Variants in PI15 observed in about 807,000 individuals in gnomAD.
PI15 encodes the protein 25 kDa trypsin inhibitor.
A neutral mutation model predicts 31.0 loss-of-function variants in PI15; 18 were observed. The observed-to-expected ratio is 0.58, with a 90% CI of 0.40 to 0.86. The LOEUF (loss-of-function observed/expected upper bound fraction) is 0.86. PI15 is among the 40% of genes least tolerant of loss of function. The probability of loss-of-function intolerance (pLI) is 0.00; values close to 1 mark genes in which losing one functional copy is unlikely to be tolerated. For synonymous variants in PI15, 118 were observed against 119.1 expected (o/e 0.99, Z 0.06); for missense variants, 282 against 328.1 (o/e 0.86, Z 1.09).
At chr8:74,839,889 A>T (rs1810920971) in intron 2 of PI15, among the ~76,000 whole-genome samples, 1 of 152,182 alleles carries the variant, frequency 6.6e-6, no homozygotes, top group African/African-American at 2.4e-5. Flanking sequence ...CCTATTAAGC[A>T]TCTGGAAATT....
At chr8:74,843,336 T>C (rs1029753078) in intron 2 of PI15, among the ~76,000 whole-genome samples, 1 of 152,184 alleles carries the variant, frequency 6.6e-6, no homozygotes, top group African/African-American at 2.4e-5. Context: ...AGGCAGTAAT[T>C]TTTTGTAGTA....
rs535187664 is a variant in PI15 at position 74,845,288 on chromosome 8, G to T, written c.525+28G>T. 2.2e-5 allele frequency: 36 copies of T among 1,608,280 alleles called. No individual in the cohort carries two copies. In the South Asian group the frequency reaches 2.7e-4, roughly 12 times the overall value. On this transcript the variant is annotated intron_variant, in intron 4 of 5. Coordinates refer to ENST00000260113, the MANE Select transcript of PI15 (RefSeq NM_015886.5). ...TATTTCAATTACCTTGTTAATTTTT[G>T]ATTCATACTTTTAAAATATGCTAAT...
At chr8:74,830,922 A>G (rs1265974152) in intron 2 of PI15, among the ~76,000 whole-genome samples, 3 of 152,168 alleles carry the variant, frequency 2.0e-5, no homozygotes, top group Admixed American at 1.3e-4. Flanking sequence ...CGTTTTCTCC[A>G]GCACATTCAG....
At chr8:74,835,820 G>T (rs1306579500) in intron 2 of PI15, among the ~76,000 whole-genome samples, 1 of 152,098 alleles carries the variant, frequency 6.6e-6, no homozygotes, top group African/African-American at 2.4e-5. Context: ...TTTATTCCTT[G>T]ACTTTTTTAA....
At chr8:74,825,654 G>A in intron 2 of PI15, 132 bp downstream of exon 2, 1 of 704,664 alleles carries the variant, frequency 1.4e-6, no homozygotes, top group East Asian at 2.7e-5. Flanking sequence ...TTTAACCTAA[G>A]GTTCTTATGT....
intron 3 of PI15, 52 bp from the exon 4 acceptor site, chr8:74,845,076 C>A (rs200627471): frequency 4.7e-6 from 7 of 1,486,950 alleles, no homozygotes; most frequent in Non-Finnish European, 6.6e-6. Flanking sequence ...ACATGAGTCC[C>A]TTATATATTA....
At chr8:74,842,612 A>G (rs2128765569) in intron 2 of PI15, among the ~76,000 whole-genome samples, 1 of 152,274 alleles carries the variant, frequency 6.6e-6, no homozygotes, top group Non-Finnish European at 1.5e-5. Context: ...CTTGCTAGAA[A>G]ATAGATTACC....
chr8:74,837,850 A>G (rs1233448318), intron 2 of PI15, among the ~76,000 whole-genome samples: 5 of 152,170 alleles, frequency 3.3e-5, no homozygotes, highest in African/African-American at 1.2e-4. Context: ...CAAAATTCAG[A>G]GTCTGATATT....
chr8:74,829,669 G>GA (rs879502367), intron 2 of PI15, among the ~76,000 whole-genome samples: 7 of 151,936 alleles, frequency 4.6e-5, no homozygotes, highest in Admixed American at 1.3e-4. Flanking sequence ...AAAACAAATG[G>GA]AAAAAAATTC....
At chr8:74,829,283 T>G (rs1344421870) in intron 2 of PI15, among the ~76,000 whole-genome samples, 1 of 152,154 alleles carries the variant, frequency 6.6e-6, no homozygotes, top group Admixed American at 6.6e-5. Flanking sequence ...AAAGTTTTTC[T>G]TAAATTCTAA....
chr8:74,830,729 T>C (rs1038991106), intron 2 of PI15, among the ~76,000 whole-genome samples: 3 of 152,134 alleles, frequency 2.0e-5, no homozygotes, highest in Non-Finnish European at 4.4e-5. Flanking sequence ...CAAAGCCATA[T>C]ACCGTCCCAC....
rs149484998 is a variant in PI15 at position 74,825,454 on chromosome 8, G to A, written c.205G>A (p.Ala69Thr). ...KRYISQNDMIAILDYHNQVRG... is the reference protein window; with the variant it reads ...KRYISQNDMITILDYHNQVRG... ...CTACATTTCGCAGAATGACATGATC[G>A]CCATTCTTGATTATCATAATCAAGT... Residue 69 changes from alanine to threonine, a missense_variant, in exon 2 of 6, where the codon GCC (alanine) becomes ACC (threonine). Transcript: ENST00000260113. 3.5e-4 allele frequency: 557 copies of A among 1,612,656 alleles called. 2 individuals are homozygous for A. In the African/African-American group the frequency reaches 6.4e-3, roughly 18 times the overall value.
At chr8:74,831,545 T>G (rs1307293594) in intron 2 of PI15, among the ~76,000 whole-genome samples, 2 of 152,074 alleles carry the variant, frequency 1.3e-5, no homozygotes, top group Non-Finnish European at 2.9e-5. Flanking sequence ...TAATTTTTAC[T>G]CGTGTGCCTG....
chr8:74,833,528 C>T (rs1193424582), intron 2 of PI15, among the ~76,000 whole-genome samples: 3 of 151,906 alleles, frequency 2.0e-5, no homozygotes, highest in African/African-American at 7.3e-5. Context: ...TTCCGGCTGC[C>T]AGATAATGTG....
At position 74,855,018 on chromosome 8, in the gene PI15, G is replaced by C. The variant is rs560313678; in HGVS notation, c.*5765G>C. On this transcript the variant is annotated 3_prime_UTR_variant, in exon 6 of 6. Coordinates refer to ENST00000260113, the MANE Select transcript of PI15 (RefSeq NM_015886.5). ...TGTATTGTTTTTTCTTTCAATAAAA[G>C]AGTATAATTAATTGGTTGTTTTTGA... 1 of 128,106 alleles carries C rather than the reference G, an allele frequency of 7.8e-6. No homozygotes were observed. Among genetic ancestry groups the C allele is most frequent in the Non-Finnish European group, 1.7e-5 (1 of 59,512 alleles). 7.9% of individuals were successfully genotyped at this position (128,106 alleles called of 1,614,324 possible).
rs1010933588 is a variant in PI15, at chr8:74,852,477, A to G, written c.*3224A>G. On this transcript the variant is annotated 3_prime_UTR_variant, in exon 6 of 6. Coordinates refer to ENST00000260113, the MANE Select transcript of PI15 (RefSeq NM_015886.5). ...TGTTATTGCTTCTGTTCAGTTGTCT[A>G]AGTATCATCCCTTCTGTGGCCCATC... 6.6e-6 allele frequency: 1 copy of G among 152,186 alleles called. No individual in the cohort carries two copies. The highest frequency in any genetic ancestry group is 1.9e-4 in the East Asian group (1 of 5,184). 9.4% of individuals were successfully genotyped at this position (152,186 alleles called of 1,614,324 possible). A position where few individuals can be genotyped will look rare whatever the true frequency, so the allele number is the denominator to read the frequency against.
chr8:74,846,360 G>A (rs1010637614), intron 5 of PI15, among the ~76,000 whole-genome samples: 15 of 152,076 alleles, frequency 9.9e-5, no homozygotes, highest in African/African-American at 3.6e-4. Context: ...TTATTAGAAT[G>A]GGAAGATTTG....
rs536246100 is a variant in PI15, at chr8:74,829,713, G to A, written c.273+4191G>A. ...ATATAATTCAGTATAATACACTGCTGTATAAGATTGATGTAATAAAAGAGG... is the reference window on the plus strand; with the variant it reads ...ATATAATTCAGTATAATACACTGCTATATAAGATTGATGTAATAAAAGAGG... On this transcript the variant is annotated intron_variant, in intron 2 of 5. Transcript: ENST00000260113. Among the ~76,000 whole-genome samples, 51 of 152,196 alleles carry A rather than the reference G, an allele frequency of 3.4e-4. No homozygotes were observed. The South Asian group carries it at 0.01, about 31-fold the overall frequency.
intron 5 of PI15, among the ~76,000 whole-genome samples, chr8:74,846,193 T>C (rs969798849): frequency 6.6e-6 from 1 of 152,196 alleles, no homozygotes; most frequent in African/African-American, 2.4e-5. Context: ...AAAATAAGTC[T>C]CAAACAAAGA....
Sources: allele counts gnomAD v4.1 joint callset (sites outside exome capture counted in the v4.1 genomes callset), GRCh38; gene constraint gnomAD v4.1.1; transcripts MANE v1.5; gene names NCBI Gene and HGNC (gene_info 2026-07-23, HGNC 2026-07-21).